Variants in LHPP observed in about 807,000 individuals in gnomAD.
LHPP encodes the protein phospholysine phosphohistidine inorganic pyrophosphate phosphatase, also known as hLHPP.
Under a neutral mutation model 30.3 loss-of-function variants are expected in LHPP, and 24 were observed. That is an observed-to-expected ratio of 0.79 (90% CI 0.57 to 1.11). The LOEUF (loss-of-function observed/expected upper bound fraction) is 1.11, where lower values mean the gene tolerates loss of function less well. Among genes scored for constraint, LHPP ranks in the 50% most tolerant of loss-of-function variants. The pLI is 0.00. For missense variants in LHPP, 356 were observed against 367.2 expected (o/e 0.97, Z 0.25); for synonymous variants, 150 against 157.1 (o/e 0.95, Z 0.34).
chr10:124,512,086 A>G (rs1484808289), intron 5 of LHPP, among the ~76,000 whole-genome samples: 1 of 152,140 alleles, frequency 6.6e-6, no homozygotes, highest in African/African-American at 2.4e-5. Flanking sequence ...AGACTGTGGA[A>G]TTACCTGATT....
chr10:124,558,333 G>A (rs1223948151), intron 6 of LHPP, among the ~76,000 whole-genome samples: 1 of 152,188 alleles, frequency 6.6e-6, no homozygotes, highest in Non-Finnish European at 1.5e-5. Flanking sequence ...TGGGCCCCAC[G>A]AGCCGCGTGT....
At chr10:124,538,000 C>T (rs1282973709) in intron 6 of LHPP, among the ~76,000 whole-genome samples, 1 of 152,238 alleles carries the variant, frequency 6.6e-6, no homozygotes, top group East Asian at 1.9e-4. Flanking sequence ...CTGAGCACTG[C>T]CCCAAGGCAC....
At chr10:124,480,952 T>C (rs1211027113) in intron 1 of LHPP, among the ~76,000 whole-genome samples, 1 of 152,188 alleles carries the variant, frequency 6.6e-6, no homozygotes, top group East Asian at 1.9e-4. Flanking sequence ...TGTCTGTTTC[T>C]GTTGGGGGTT....
rs112586813 is a variant in LHPP at position 124,514,795 on chromosome 10, C to CTT, written c.625-2373_625-2372dup. 2.5e-4 allele frequency among the ~76,000 whole-genome samples: 36 copies of CTT among 146,540 alleles called. 1 individual carries two copies. The highest frequency in any genetic ancestry group is 3.5e-3 in the Middle Eastern group (1 of 282). The stretch of plus-strand genomic sequence containing the variant: ...TATATTTATGTCTTCTCTCATCTCA[C>CTT]TTTTTTTTTTTTTAATCTAATTTAG... On this transcript the variant is annotated intron_variant, in intron 5 of 6. Coordinates refer to ENST00000368842, the MANE Select transcript of LHPP (RefSeq NM_022126.4).
rs777415275 is a variant in LHPP at position 124,613,386 on chromosome 10, C to T, written c.*26C>T. ...TGGCCTCCTGGGAGAGCCCCGCCTC[C>T]TCCACCCCTGCCTCTCCTCCACCCC... is the stretch of plus-strand genomic sequence containing the variant. On this transcript the variant is annotated 3_prime_UTR_variant, in exon 7 of 7. Transcript: ENST00000368842. 81 of 1,309,256 alleles carry T rather than the reference C, an allele frequency of 6.2e-5. No individual in the cohort carries two copies. The highest frequency in any genetic ancestry group is 1.7e-4 in the Middle Eastern group (1 of 5,740). The allele number at this position is 1,309,256 out of a possible 1,614,324, so 81.1% of individuals were successfully genotyped here.
intron 6 of LHPP, among the ~76,000 whole-genome samples, chr10:124,533,236 CTG>C (rs1954940653): frequency 6.6e-6 from 1 of 152,236 alleles, no homozygotes; most frequent in Non-Finnish European, 1.5e-5. Context: ...GGGCCATAAA[CTG>C]AGACCATTGA....
intron 6 of LHPP, among the ~76,000 whole-genome samples, chr10:124,529,337 C>A (rs951050988): frequency 4.7e-5 from 7 of 148,910 alleles, no homozygotes; most frequent in Non-Finnish European, 1.5e-5. Context: ...TTAAGGAAAA[C>A]CACCTGAAAG....
intron 3 of LHPP, among the ~76,000 whole-genome samples, chr10:124,495,603 A>G (rs552207266): frequency 6.6e-6 from 1 of 152,276 alleles, no homozygotes; most frequent in East Asian, 1.9e-4. Context: ...AGCTGGAGGA[A>G]GGGCACAGCC....
chr10:124,471,352 A>C (rs569792683), intron 1 of LHPP, among the ~76,000 whole-genome samples: 2 of 141,554 alleles, frequency 1.4e-5, no homozygotes, highest in Middle Eastern at 7.0e-3. Flanking sequence ...CAGAGCACTT[A>C]TCCAACCAAA....
chr10:124,552,680 C>T (rs898848299), intron 6 of LHPP, among the ~76,000 whole-genome samples: 6 of 152,154 alleles, frequency 3.9e-5, no homozygotes, highest in African/African-American at 1.4e-4. Context: ...GGACTGGACG[C>T]GTGGCTGCCA....
chr10:124,537,453 C>T (rs550816345), intron 6 of LHPP, among the ~76,000 whole-genome samples: 9 of 152,346 alleles, frequency 5.9e-5, no homozygotes, highest in East Asian at 3.9e-4. Flanking sequence ...GTGCCATTGG[C>T]GATGCGGGGA....
At chr10:124,575,801 C>A (rs4962385) in intron 6 of LHPP, among the ~76,000 whole-genome samples, 10,760 of 152,228 alleles carry the variant, frequency 0.071, 472 homozygotes, top group East Asian at 0.12. Flanking sequence ...CGGTCCCCCA[C>A]ACCCTGACCC....
At chr10:124,582,993 A>C (rs567234725) in intron 6 of LHPP, among the ~76,000 whole-genome samples, 64 of 152,334 alleles carry the variant, frequency 4.2e-4, no homozygotes, top group Middle Eastern at 3.4e-3. Context: ...TTGCTGTCTC[A>C]AGGTGGCAGA....
chr10:124,535,934 G>A (rs1955013466), intron 6 of LHPP, among the ~76,000 whole-genome samples: 1 of 152,248 alleles, frequency 6.6e-6, no homozygotes, highest in Non-Finnish European at 1.5e-5. Flanking sequence ...TGGGGCCCCT[G>A]GACCTCCCCT....
At chr10:124,581,554 T>C (rs376052124) in intron 6 of LHPP, among the ~76,000 whole-genome samples, 24 of 152,350 alleles carry the variant, frequency 1.6e-4, no homozygotes, top group African/African-American at 4.6e-4. Context: ...TTTATCTATG[T>C]CCTTACCAAC....
In LHPP at chr10:124,522,723, G is replaced by GCCCC. The variant is rs61278158; in HGVS notation, c.716+5458_716+5461dup. Among the ~76,000 whole-genome samples, 7 of 143,226 alleles carry GCCCC rather than the reference G, an allele frequency of 4.9e-5. 1 individual carries two copies. The highest frequency in any genetic ancestry group is 7.6e-5 in the Non-Finnish European group (5 of 65,664). 94.0% of individuals were successfully genotyped at this position (143,226 alleles called of 152,430 possible). Reference sequence around the variant, plus strand: ...AGTGGGTAAGTGCACTGCTGCCCACGCCCCCCCCCAAGCACTGTCTGCTCC... The same window carrying GCCCC: ...AGTGGGTAAGTGCACTGCTGCCCACGCCCCCCCCCCCCCAAGCACTGTCTGCTCC... On this transcript the variant is annotated intron_variant, in intron 6 of 6. Transcript: ENST00000368842.
At chr10:124,536,553 G>T (rs1052635755) in intron 6 of LHPP, among the ~76,000 whole-genome samples, 2 of 152,222 alleles carry the variant, frequency 1.3e-5, no homozygotes, top group African/African-American at 4.8e-5. Context: ...AGCTGCTGGG[G>T]CCCAGAGACC....
chr10:124,498,006 C>T (rs376652414), intron 4 of LHPP, 30 bp from the exon 5 acceptor site: 81 of 1,575,738 alleles, frequency 5.1e-5, no homozygotes, highest in Non-Finnish European at 6.7e-5. Flanking sequence ...TGATCCCAAA[C>T]TTATGCCATG....
chr10:124,600,795 T>C (rs1949011173), intron 6 of LHPP, among the ~76,000 whole-genome samples: 1 of 152,202 alleles, frequency 6.6e-6, no homozygotes, highest in African/African-American at 2.4e-5. Context: ...AGGAAGCCAA[T>C]GCCAGGCGAT....
Sources: gnomAD v4.1 joint callset for allele counts (sites outside exome capture counted in the v4.1 genomes callset) on GRCh38, gnomAD v4.1.1 for gene constraint, MANE v1.5 for transcripts, NCBI Gene and HGNC (gene_info 2026-07-23, HGNC 2026-07-21) for gene names.